Variants in UBE2K observed in about 807,000 individuals in gnomAD.
UBE2K encodes ubiquitin-conjugating enzyme E2 K.
Under a neutral mutation model 30.0 loss-of-function variants are expected in UBE2K, and 6 were observed. The ratio of observed to expected loss-of-function variants is 0.20; its 90% CI spans 0.11 to 0.39. The LOEUF (loss-of-function observed/expected upper bound fraction) is 0.39. Among genes scored for constraint, UBE2K ranks in the 10% least tolerant of loss-of-function variants. UBE2K has a pLI of 1.00. For missense variants in UBE2K, 61 were observed against 241.6 expected (o/e 0.25, Z 4.96); for synonymous variants, 86 against 83.7 (o/e 1.03, Z -0.15).
At chr4:39,773,300 C>A (rs1029793120) in intron 4 of UBE2K, among the ~76,000 whole-genome samples, 4 of 150,300 alleles carry the variant, frequency 2.7e-5, no homozygotes, top group African/African-American at 9.8e-5. Flanking sequence ...AAACCCTGTT[C>A]TACTAAAACT....
chr4:39,770,743 C>A, intron 4 of UBE2K: 2 of 1,584,654 alleles, frequency 1.3e-6, no homozygotes, highest in East Asian at 4.5e-5. Flanking sequence ...CCTCCAATGC[C>A]CAGGCCCCCT....
At chr4:39,725,260 G>A (rs1267127104) in intron 1 of UBE2K, among the ~76,000 whole-genome samples, 4 of 151,372 alleles carry the variant, frequency 2.6e-5, no homozygotes, top group African/African-American at 9.7e-5. Context: ...TCATGCACCT[G>A]TACTCACAGC....
At chr4:39,705,171 C>G (rs984703714) in intron 1 of UBE2K, among the ~76,000 whole-genome samples, 10 of 147,514 alleles carry the variant, frequency 6.8e-5, no homozygotes, top group Non-Finnish European at 1.2e-4. Context: ...GCTGGGATTG[C>G]AGGCATGAGC....
intron 1 of UBE2K, among the ~76,000 whole-genome samples, chr4:39,732,468 A>G (rs1262610571): frequency 2.0e-5 from 3 of 152,214 alleles, no homozygotes; most frequent in East Asian, 1.9e-4. Context: ...TGATGATGGT[A>G]ACAATGACAA....
At chr4:39,760,549 A>T (rs906721714) in intron 4 of UBE2K, among the ~76,000 whole-genome samples, 1 of 152,208 alleles carries the variant, frequency 6.6e-6, no homozygotes, top group African/African-American at 2.4e-5. Context: ...AAAAGAATAC[A>T]TACTGTATGG....
chr4:39,763,252 T>C (rs886323008), intron 4 of UBE2K, among the ~76,000 whole-genome samples: 25 of 63,476 alleles, frequency 3.9e-4, no homozygotes, highest in African/African-American at 3.3e-3. Context: ...CTTAAAACAC[T>C]TTTTTTTTTT....
chr4:39,730,754 A>C (rs1472416178), intron 1 of UBE2K, among the ~76,000 whole-genome samples: 2 of 148,856 alleles, frequency 1.3e-5, no homozygotes, highest in East Asian at 2.0e-4. Context: ...TGGGCAACAG[A>C]GTGAGACTCC....
rs545976929 is a variant in UBE2K, at chr4:39,714,671, C to T, written c.63+16281C>T. On this transcript the variant is annotated intron_variant, in intron 1 of 6. Coordinates refer to ENST00000261427, the MANE Select transcript of UBE2K (RefSeq NM_005339.5). The stretch of plus-strand genomic sequence containing the variant: ...AAGTGATTCTCCTGCCTCAGCCTCC[C>T]GAGTAGCTGGGATTACAGGCATGTG... Among the ~76,000 whole-genome samples, 467 of 149,102 alleles carry T rather than the reference C, an allele frequency of 3.1e-3. 1 individual carries two copies. Among genetic ancestry groups the T allele is most frequent in the Non-Finnish European group, 3.6e-3 (243 of 67,358 alleles).
chr4:39,739,093 T>C (rs918778135), intron 2 of UBE2K, among the ~76,000 whole-genome samples: 55 of 151,990 alleles, frequency 3.6e-4, no homozygotes, highest in African/African-American at 1.3e-3. Context: ...AGTGGCGCGA[T>C]CTCGGCTCAC....
intron 4 of UBE2K, chr4:39,770,486 T>A: frequency 6.2e-7 from 1 of 1,610,630 alleles, no homozygotes; most frequent in Non-Finnish European, 8.5e-7. Flanking sequence ...GGTTTCCACC[T>A]GAGAAGCTCC....
At chr4:39,713,357 C>T (rs1057160330) in intron 1 of UBE2K, among the ~76,000 whole-genome samples, 10 of 119,646 alleles carry the variant, frequency 8.4e-5, no homozygotes, top group African/African-American at 3.0e-4. Context: ...GTCAGGGTTT[C>T]GCTTTGTTAG....
chr4:39,771,857 G>A (rs1712896796), intron 4 of UBE2K, among the ~76,000 whole-genome samples: 1 of 152,128 alleles, frequency 6.6e-6, no homozygotes, highest in African/African-American at 2.4e-5. Flanking sequence ...GGGTGGAGGT[G>A]TAGGAGACAG....
rs1023173318 is a variant in UBE2K, at chr4:39,712,860, A to C, written c.63+14470A>C. Among the ~76,000 whole-genome samples, 72 of 130,706 alleles carry C rather than the reference A, an allele frequency of 5.5e-4. 1 individual carries two copies. The South Asian group carries it at 0.016, about 30-fold the overall frequency. 85.7% of individuals were successfully genotyped at this position (130,706 alleles called of 152,430 possible). ...TTAGGCTTTTGTAAATTTAGTGTTTACTTTTTTTTTTTTTTTTTTAAATGA... is the reference window on the plus strand; with the variant it reads ...TTAGGCTTTTGTAAATTTAGTGTTTCCTTTTTTTTTTTTTTTTTTAAATGA... On this transcript the variant is annotated intron_variant, in intron 1 of 6. Transcript: ENST00000261427.
chr4:39,758,143 A>C (rs1711617557), intron 4 of UBE2K, among the ~76,000 whole-genome samples: 1 of 152,170 alleles, frequency 6.6e-6, no homozygotes, highest in Non-Finnish European at 1.5e-5. Context: ...TTATTGGCAA[A>C]TACGTCCTTG....
chr4:39,705,617 T>C (rs1718307333), intron 1 of UBE2K, among the ~76,000 whole-genome samples: 1 of 152,092 alleles, frequency 6.6e-6, no homozygotes, highest in South Asian at 2.1e-4. Context: ...TAGATAAAAA[T>C]GGTGGGGGCA....
intron 1 of UBE2K, among the ~76,000 whole-genome samples, chr4:39,728,781 G>GGCGCCCGCCACC (rs1204451752): frequency 1.3e-5 from 2 of 151,262 alleles, no homozygotes; most frequent in African/African-American, 2.4e-5. Context: ...TGGGACTATA[G>GGCGCCCGCCACC]GCGCCCGCCA....
Position 39,698,236 on chromosome 4 carries a change from A to AG in UBE2K, c.-89dup. The AG allele has an allele frequency of 7.9e-7, 1 of 1,270,532 alleles. No individual in the cohort carries two copies. The highest frequency in any genetic ancestry group is 1.1e-6 in the Non-Finnish European group (1 of 888,896). 78.7% of individuals were successfully genotyped at this position (1,270,532 alleles called of 1,614,324 possible). On this transcript the variant is annotated 5_prime_UTR_variant, in exon 1 of 7. Transcript: ENST00000261427. ...TCGTGTGCTCAGGTCTGAATCGCCG[A>AG]GGGAGGAGGCGGTGGAGGAAGAGGT...
chr4:39,741,534 T>C (rs1466163561), intron 2 of UBE2K, among the ~76,000 whole-genome samples: 1 of 152,200 alleles, frequency 6.6e-6, no homozygotes, highest in African/African-American at 2.4e-5. Context: ...AAATCTAAAC[T>C]TAAATGCTAA....
intron 1 of UBE2K, among the ~76,000 whole-genome samples, chr4:39,732,864 CAG>C (rs1288591677): frequency 2.0e-5 from 3 of 151,668 alleles, no homozygotes; most frequent in Non-Finnish European, 4.4e-5. Flanking sequence ...GTAGTAGAGA[CAG>C]GGTTTTGCCA....
Sources: gnomAD v4.1 joint callset for allele counts (sites outside exome capture counted in the v4.1 genomes callset) on GRCh38, gnomAD v4.1.1 for gene constraint, MANE v1.5 for transcripts, NCBI Gene and HGNC (gene_info 2026-07-23, HGNC 2026-07-21) for gene names.